CNST: variants seen among roughly 807,000 people sequenced by gnomAD.
The protein encoded by CNST is consortin, connexin sorting protein, also known as consortin.
Under a neutral mutation model 72.4 loss-of-function variants are expected in CNST, and 39 were observed. The ratio of observed to expected loss-of-function variants is 0.54; its 90% CI spans 0.42 to 0.70. CNST has a LOEUF of 0.70. Ranked by LOEUF, CNST falls within the 30% of genes least tolerant of loss-of-function variation. CNST has a pLI of 0.00. For missense variants in CNST, 871 were observed against 868.5 expected, an observed-to-expected ratio of 1.00 and a Z score of -0.04; for synonymous variants, 332 against 320.1, an observed-to-expected ratio of 1.04 and a Z score of -0.40.
chr1:246,664,702 AG>A (rs1320453407), intron 10 of CNST, among the ~76,000 whole-genome samples: 1 of 152,172 alleles, frequency 6.6e-6, no homozygotes, highest in Admixed American at 6.5e-5. Flanking sequence ...CTGGGATTAC[AG>A]GCGTGAGCCA....
intron 8 of CNST, among the ~76,000 whole-genome samples, chr1:246,646,279 CA>C (rs550697329): frequency 1.9e-3 from 190 of 99,276 alleles, no homozygotes; most frequent in Admixed American, 1.8e-3. Context: ...AACTCCGTCT[CA>C]AAAAAAAAAA....
At chr1:246,608,498 A>G (rs1050520405) in intron 2 of CNST, among the ~76,000 whole-genome samples, 6 of 152,256 alleles carry the variant, frequency 3.9e-5, no homozygotes, top group African/African-American at 7.2e-5. Context: ...ATTAATGCTT[A>G]TTGACATGTT....
At chr1:246,628,288 G>A (rs948309237) in intron 3 of CNST, among the ~76,000 whole-genome samples, 9 of 152,028 alleles carry the variant, frequency 5.9e-5, no homozygotes, top group Non-Finnish European at 1.2e-4. Flanking sequence ...ATCCAATCAC[G>A]TTGACACTCA....
At chr1:246,580,350 T>C (rs1421887214) in intron 1 of CNST, among the ~76,000 whole-genome samples, 2 of 152,228 alleles carry the variant, frequency 1.3e-5, no homozygotes, top group African/African-American at 2.4e-5. Context: ...TACTGTACTC[T>C]TTTGAGTAAA....
chr1:246,658,041 A>G (rs1473011981), intron 9 of CNST, among the ~76,000 whole-genome samples: 3 of 152,196 alleles, frequency 2.0e-5, no homozygotes, highest in African/African-American at 7.2e-5. Context: ...TGGTAAGTGT[A>G]TGACAGTATT....
rs561427186 is a variant in CNST, at chr1:246,667,423, G to A, written c.*1518G>A. ...TGATTTTCTATAATTTCAGTTCCGC[G>A]TGTTTTTACACTTGTTCATTTTAAA... On this transcript the variant is annotated 3_prime_UTR_variant, in exon 11 of 11. Transcript: ENST00000366513. The A allele has an allele frequency of 4.6e-5, 7 of 152,144 alleles. No homozygotes were observed. The South Asian group carries it at 6.2e-4, about 14-fold the overall frequency. 9.4% of individuals were successfully genotyped at this position (152,144 alleles called of 1,614,324 possible). A position where few individuals can be genotyped will look rare whatever the true frequency, so the allele number is the denominator to read the frequency against.
At chr1:246,632,304 C>T (rs766503051) in intron 4 of CNST, 5 of 294,526 alleles carry the variant, frequency 1.7e-5, no homozygotes, top group Non-Finnish European at 3.3e-5. Context: ...AGCTTGGCAA[C>T]GTGCGCCACA....
chr1:246,654,254 G>A (rs183260718), intron 9 of CNST, among the ~76,000 whole-genome samples: 6 of 152,256 alleles, frequency 3.9e-5, no homozygotes, highest in African/African-American at 4.8e-5. Flanking sequence ...ATGTCGTCAC[G>A]TTTGCTCTTT....
chr1:246,634,657 T>G, intron 6 of CNST, 70 bp downstream of exon 6: 1 of 792,370 alleles, frequency 1.3e-6, no homozygotes, highest in Non-Finnish European at 2.1e-6. Context: ...GCATTGAGTA[T>G]CCATTTCTTT....
intron 9 of CNST, among the ~76,000 whole-genome samples, chr1:246,655,214 G>C (rs544206398): frequency 1.3e-5 from 2 of 152,242 alleles, no homozygotes; most frequent in African/African-American, 4.8e-5. Flanking sequence ...TAAAACTCCT[G>C]TGATTTTTTT....
intron 1 of CNST, among the ~76,000 whole-genome samples, chr1:246,590,397 G>A (rs911212774): frequency 5.9e-5 from 9 of 152,030 alleles, no homozygotes; most frequent in African/African-American, 1.2e-4. Context: ...TGCCAGGGTC[G>A]TCTGGCTATT....
chr1:246,653,129 AG>A (rs1328934987), intron 9 of CNST, among the ~76,000 whole-genome samples: 1 of 152,308 alleles, frequency 6.6e-6, no homozygotes, highest in Admixed American at 6.5e-5. Flanking sequence ...AGCAAAATAC[AG>A]GGGAGGACAT....
At chr1:246,582,187 T>C (rs1660828638) in intron 1 of CNST, among the ~76,000 whole-genome samples, 1 of 152,222 alleles carries the variant, frequency 6.6e-6, no homozygotes, top group Admixed American at 6.5e-5. Flanking sequence ...AACACGACTT[T>C]GCTGTTGCTG....
chr1:246,629,439 A>G (rs73132581), intron 3 of CNST, among the ~76,000 whole-genome samples: 7,808 of 152,272 alleles, frequency 0.051, 611 homozygotes, highest in African/African-American at 0.17. Flanking sequence ...CCTTCTCTGC[A>G]TAGTTACTTT....
chr1:246,637,818 A>G (rs1665395150), intron 6 of CNST, among the ~76,000 whole-genome samples: 1 of 152,162 alleles, frequency 6.6e-6, no homozygotes, highest in Non-Finnish European at 1.5e-5. Context: ...ACATGATGAG[A>G]GTTTGTATGA....
chr1:246,568,913 T>C (rs1659890221), intron 1 of CNST, among the ~76,000 whole-genome samples: 1 of 152,168 alleles, frequency 6.6e-6, no homozygotes, highest in South Asian at 2.1e-4. Context: ...ATTTATTTAT[T>C]TGTGAAGGCG....
chr1:246,617,043 AGTCT>A (rs1018781514), intron 2 of CNST, among the ~76,000 whole-genome samples: 6 of 152,198 alleles, frequency 3.9e-5, no homozygotes, highest in Admixed American at 3.9e-4. Flanking sequence ...ACAGCACATC[AGTCT>A]AAGTACTCCT....
At chr1:246,630,100 C>T (rs1054711119) in intron 3 of CNST, among the ~76,000 whole-genome samples, 1 of 152,184 alleles carries the variant, frequency 6.6e-6, no homozygotes, top group African/African-American at 2.4e-5. Context: ...CCTGCTAGTA[C>T]TGACATATGA....
At chr1:246,664,128 C>A (rs1667259372) in intron 10 of CNST, among the ~76,000 whole-genome samples, 1 of 152,116 alleles carries the variant, frequency 6.6e-6, no homozygotes, top group African/African-American at 2.4e-5. Context: ...AATGAAAGAA[C>A]ATATTAAATT....
Sources: allele counts gnomAD v4.1 joint callset (sites outside exome capture counted in the v4.1 genomes callset), GRCh38; gene constraint gnomAD v4.1.1; transcripts MANE v1.5; gene names NCBI Gene and HGNC (gene_info 2026-07-23, HGNC 2026-07-21).